The following SETMAR variants were observed in gnomAD, a reference collection of about 807,000 sequenced individuals.
SETMAR encodes histone-lysine N-methyltransferase SETMAR.
Under a neutral mutation model 58.4 loss-of-function variants are expected in SETMAR, and 44 were observed. The ratio of observed to expected loss-of-function variants is 0.75; its 90% CI spans 0.59 to 0.97. The LOEUF (loss-of-function observed/expected upper bound fraction) is 0.97. Among genes scored for constraint, SETMAR ranks in the 50% least tolerant of loss-of-function variants. SETMAR has a pLI of 0.00. For missense variants in SETMAR, 903 were observed against 840.2 expected (o/e 1.07, Z -0.92); for synonymous variants, 332 against 307.4 (o/e 1.08, Z -0.84).
chr3:4,313,066 G>A lies in SETMAR; in HGVS notation c.325G>A (p.Gly109Arg). The change falls in exon 2 of 3, where the codon GGA becomes AGA. Residue 109 changes from glycine to arginine, a missense_variant. Transcript: ENST00000358065. ...NSCLRDIGSG[G>R]KYAEPVFECN... is the part of the protein sequence containing the mutation. ...ATGCCTTAGAGATATAGGATCTGGA[G>A]GAAAGTATGCAGAGCCTGTTTTTGA... 1.2e-6 allele frequency: 2 copies of A among 1,613,936 alleles called. No homozygotes were observed. Among genetic ancestry groups the A allele is most frequent in the East Asian group, 2.2e-5 (1 of 44,876 alleles).
chr3:4,316,460 T>C lies in SETMAR; in HGVS notation c.1269T>C (p.Ala423=). 1 of 1,604,580 alleles carries C rather than the reference T, an allele frequency of 6.2e-7. No homozygotes were observed. The highest frequency in any genetic ancestry group is 2.2e-5 in the East Asian group (1 of 44,502). ...ACCAGTTGAGAGCAATCATCGAAGC[T>C]GATCCCCTTACAACTACACGAGAAG... ...DNDQLRAIIE[A]DPLTTTREVA... The change falls in exon 3 of 3, where the codon GCT becomes GCC. Residue 423 remains alanine (A), a synonymous_variant. Transcript: ENST00000358065.
Position 4,313,133 on chromosome 3 carries a change from G to C in SETMAR, c.392G>C (p.Arg131Thr). ...LCRCSDHCRN[R>T]VVQKGLQFHF... ...CGATGCAGTGACCACTGCAGAAACAGAGTGGTCCAGAAAGGTCTACAGTTC... is the reference window on the plus strand; with the variant it reads ...CGATGCAGTGACCACTGCAGAAACACAGTGGTCCAGAAAGGTCTACAGTTC... The change falls in exon 2 of 3, where the codon AGA becomes ACA. Residue 131 changes from arginine (R) to threonine (T), a missense_variant. Physicochemically the swap from Arg to Thr is moderately conservative, Grantham distance 71. Transcript: ENST00000358065. 4 of 1,614,034 alleles carry C rather than the reference G, an allele frequency of 2.5e-6. No individual in the cohort carries two copies. Among genetic ancestry groups the C allele is most frequent in the Non-Finnish European group, 3.4e-6 (4 of 1,179,950 alleles).
intron 1 of SETMAR, among the ~76,000 whole-genome samples, chr3:4,306,248 T>C (rs961618078): frequency 4.6e-5 from 7 of 152,208 alleles, no homozygotes; most frequent in African/African-American, 1.7e-4. Flanking sequence ...GTGCCCGACG[T>C]ATTTTTTTAA....
chr3:4,303,518 C>T lies in SETMAR; in HGVS notation c.148C>T (p.Pro50Ser). Residue 50 changes from proline (P) to serine (S), a missense_variant, in exon 1 of 3, where the codon CCC becomes TCC. Physicochemically the swap from Pro to Ser is moderately conservative, Grantham distance 74. Transcript: ENST00000358065. ...GAWPPGAAPA[P>S]FQYTPDHVVG... ...GTGGCCCCCGGGGGCCGCGCCGGCG[C>T]CCTTCCAGGTAGGGGCGGGGCCAGG... is the stretch of plus-strand genomic sequence containing the variant. 1 of 1,433,870 alleles carries T rather than the reference C, an allele frequency of 7.0e-7. No homozygotes were observed. The highest frequency in any genetic ancestry group is 9.1e-7 in the Non-Finnish European group (1 of 1,098,814). The allele number at this position is 1,433,870 out of a possible 1,614,324, so 88.8% of individuals were successfully genotyped here. A position where few individuals can be genotyped will look rare whatever the true frequency, so the allele number is the denominator to read the frequency against.
Position 4,313,492 on chromosome 3 carries a change from G to C in SETMAR, c.751G>C (p.Asp251His). ...VPKLALFAAK[D>H]IVPEEELSYD... ...TAAGTTGGCACTTTTTGCAGCCAAA[G>C]ATATTGTGCCAGAAGAAGAACTCTC... The change falls in exon 2 of 3, where the codon GAT becomes CAT. Residue 251 changes from aspartate to histidine, a missense_variant. Coordinates refer to ENST00000358065, the MANE Select transcript of SETMAR (RefSeq NM_006515.4). 6.2e-7 allele frequency: 1 copy of C among 1,613,896 alleles called. No homozygotes were observed. The highest frequency in any genetic ancestry group is 8.5e-7 in the Non-Finnish European group (1 of 1,179,942).
Position 4,316,201 on chromosome 3 carries a change from G to T in SETMAR, c.1021-11G>T. On this transcript the variant is annotated splice_polypyrimidine_tract_variant and intron_variant, in intron 2 of 2. Coordinates refer to ENST00000358065, the MANE Select transcript of SETMAR (RefSeq NM_006515.4). ...TAATGACATCTTACTTGCTGTTTAT[G>T]TTTATTTTAGACTATGAAAATGATG... 1.5e-6 allele frequency: 1 copy of T among 680,190 alleles called. No homozygotes were observed. The highest frequency in any genetic ancestry group is 2.7e-6 in the Non-Finnish European group (1 of 375,698). 42.1% of individuals were successfully genotyped at this position (680,190 alleles called of 1,614,324 possible).
chr3:4,312,685 G>T (rs1698453361), intron 1 of SETMAR, among the ~76,000 whole-genome samples: 1 of 142,990 alleles, frequency 7.0e-6, no homozygotes, highest in Non-Finnish European at 1.5e-5. Context: ...CTGTGCAACA[G>T]AGCAAGACCC....
chr3:4,304,954 C>A (rs556690984), intron 1 of SETMAR, among the ~76,000 whole-genome samples: 1 of 146,614 alleles, frequency 6.8e-6, no homozygotes, highest in African/African-American at 2.6e-5. Context: ...GTTCAGAAGG[C>A]GGGGCAACTC....
intron 2 of SETMAR, chr3:4,314,159 C>G (rs193116536): frequency 1.7e-5 from 4 of 235,878 alleles, no homozygotes; most frequent in African/African-American, 9.0e-5. Context: ...ATAGAAAAAT[C>G]AACAAGGTTA....
intron 1 of SETMAR, among the ~76,000 whole-genome samples, chr3:4,311,330 G>A (rs1166420891): frequency 1.3e-5 from 2 of 152,148 alleles, no homozygotes; most frequent in Admixed American, 6.6e-5. Context: ...TAATAATGGA[G>A]GATTGACTGG....
At chr3:4,316,037 ACT>A (rs10585687) in intron 2 of SETMAR, among the ~76,000 whole-genome samples, 173 bp from the exon 3 acceptor site, 10,021 of 133,158 alleles carry the variant, frequency 0.075, 422 homozygotes, top group Middle Eastern at 0.13. Flanking sequence ...ACAGAGCGAG[ACT>A]CTGTCTCAAA....
chr3:4,303,754 C>G (rs1459261292), intron 1 of SETMAR: 15 of 1,476,930 alleles, frequency 1.0e-5, no homozygotes, highest in Non-Finnish European at 1.4e-5. Flanking sequence ...TTCCCTGAAG[C>G]GCAGAACCGG....
rs1476632351 is a variant in SETMAR at position 4,313,369 on chromosome 3, G to C, written c.628G>C (p.Val210Leu). 1 of 1,613,932 alleles carries C rather than the reference G, an allele frequency of 6.2e-7. No individual in the cohort carries two copies. The highest frequency in any genetic ancestry group is 1.7e-5 in the Admixed American group (1 of 59,984). Residue 210 changes from valine to leucine, a missense_variant, in exon 2 of 3, where the codon GTT (valine) becomes CTT (leucine). By Grantham distance (32) the Val-to-Leu change is conservative. Coordinates refer to ENST00000358065, the MANE Select transcript of SETMAR (RefSeq NM_006515.4). ...TAATGGGCAGGTAATGGAAACATTTGTTGACCCTACTTATATAGGAAATAT... is the reference window on the plus strand; with the variant it reads ...TAATGGGCAGGTAATGGAAACATTTCTTGACCCTACTTATATAGGAAATAT... Reference protein sequence around the residue: ...VYNGQVMETFVDPTYIGNIGR... With the variant: ...VYNGQVMETFLDPTYIGNIGR...
At chr3:4,312,778 C>A in intron 1 of SETMAR, 120 bp from the exon 2 acceptor site, 2 of 1,140,026 alleles carry the variant, frequency 1.8e-6, no homozygotes, top group South Asian at 1.8e-5. Flanking sequence ...TGTGTTTTGA[C>A]AGTTTTGTCC....
At position 4,313,044 on chromosome 3, in the gene SETMAR, C is replaced by A. The variant is rs765991701; in HGVS notation, c.303C>A (p.Cys101Ter). 3 of 1,613,782 alleles carry A rather than the reference C, an allele frequency of 1.9e-6. No individual in the cohort carries two copies. Among genetic ancestry groups the A allele is most frequent in the Non-Finnish European group, 2.5e-6 (3 of 1,179,844 alleles). Residue 101 changes from cysteine to a stop codon, truncating the protein, a stop_gained, in exon 2 of 3, where the codon TGC (cysteine) becomes TGA (stop). Transcript: ENST00000358065. LOFTEE classifies it high-confidence loss of function. ...GAGAGAACTATGATGATAACTCATGCCTTAGAGATATAGGATCTGGAGGAA... is the reference window on the plus strand; with the variant it reads ...GAGAGAACTATGATGATAACTCATGACTTAGAGATATAGGATCTGGAGGAA... Reference protein sequence around the residue: ...RHGENYDDNSCLRDIGSGGKY... With the variant: ...RHGENYDDNS
rs779447773 is a variant in SETMAR, at chr3:4,303,378, C to T, written c.8C>T (p.Ala3Val). The T allele has an allele frequency of 1.3e-6, 2 of 1,549,656 alleles. No individual in the cohort carries two copies. The highest frequency in any genetic ancestry group is 1.7e-6 in the Non-Finnish European group (2 of 1,151,952). Residue 3 changes from alanine (A) to valine (V), a missense_variant, in exon 1 of 3, where the codon GCG becomes GTG. Physicochemically the swap from Ala to Val is moderately conservative, Grantham distance 64 (BLOSUM62 0). Transcript: ENST00000358065. MF[A>V]EAAKTTRPCG... The stretch of plus-strand genomic sequence containing the variant: ...GTTGCGTGAGGCGGGTAAATGTTCG[C>T]GGAAGCGGCAAAGACGACACGGCCT...
intron 1 of SETMAR, among the ~76,000 whole-genome samples, chr3:4,306,420 CAA>C (rs1479211938): frequency 3.9e-5 from 6 of 151,990 alleles, no homozygotes; most frequent in Non-Finnish European, 5.9e-5. Flanking sequence ...AAAGGAGTGA[CAA>C]GAGGAAGCTT....
Position 4,317,240 on chromosome 3 carries a change from T to A in SETMAR, c.2049T>A (p.Phe683Leu). ...QKCVDCNGSY[F>L]D ...GTGTTGATTGTAATGGTTCCTATTTTGATTAATAAAAATGCGTTGAGCCTA... is the reference window on the plus strand; with the variant it reads ...GTGTTGATTGTAATGGTTCCTATTTAGATTAATAAAAATGCGTTGAGCCTA... Residue 683 changes from phenylalanine (F) to leucine (L), a missense_variant, in exon 3 of 3, where the codon TTT (phenylalanine) becomes TTA (leucine). Coordinates refer to ENST00000358065, the MANE Select transcript of SETMAR (RefSeq NM_006515.4). 6.5e-7 allele frequency: 1 copy of A among 1,532,554 alleles called. No individual in the cohort carries two copies. The highest frequency in any genetic ancestry group is 8.8e-7 in the Non-Finnish European group (1 of 1,139,340). The allele number at this position is 1,532,554 out of a possible 1,614,324, so 94.9% of individuals were successfully genotyped here. A position where few individuals can be genotyped will look rare whatever the true frequency, so the allele number is the denominator to read the frequency against.
chr3:4,310,938 CTG>C (rs1698382231), intron 1 of SETMAR, among the ~76,000 whole-genome samples: 1 of 152,202 alleles, frequency 6.6e-6, no homozygotes, highest in Non-Finnish European at 1.5e-5. Context: ...CATTTGAACA[CTG>C]AACCTTTAAA....
Sources: allele counts gnomAD v4.1 joint callset (sites outside exome capture counted in the v4.1 genomes callset), GRCh38; gene constraint gnomAD v4.1.1; transcripts MANE v1.5; gene names NCBI Gene and HGNC (gene_info 2026-07-23, HGNC 2026-07-21).